Variants in FAT4 observed in about 807,000 individuals in gnomAD.
FAT4 encodes the protein FAT atypical cadherin 4, also known as protocadherin Fat 4.
A neutral mutation model predicts 303.9 loss-of-function variants in FAT4; 84 were observed. The ratio of observed to expected loss-of-function variants is 0.28; its 90% CI spans 0.23 to 0.33. FAT4 has a LOEUF of 0.33. Ranked by LOEUF, FAT4 falls within the 10% of genes least tolerant of loss-of-function variation. The pLI is 1.00. For missense variants in FAT4, 6,005 were observed against 6,146.8 expected, an observed-to-expected ratio of 0.98 and a Z score of 0.77; for synonymous variants, 2,307 against 2,298.8, an observed-to-expected ratio of 1.00 and a Z score of -0.10.
rs758694824 is a variant in FAT4 at position 125,449,193 on chromosome 4, G to A, written c.8183G>A (p.Arg2728Lys). 8 of 1,613,944 alleles carry A rather than the reference G, an allele frequency of 5.0e-6. No homozygotes were observed. In the South Asian group the frequency reaches 8.8e-5, roughly 18 times the overall value. Residue 2728 changes from arginine (R) to lysine (K), a missense_variant, in exon 10 of 18, where the codon AGA becomes AAA. Coordinates refer to ENST00000394329, the MANE Select transcript of FAT4 (RefSeq NM_001291303.3). ...FSINHATGEIRSVRPLDREKV... is the reference protein window; with the variant it reads ...FSINHATGEIKSVRPLDREKV... Reference sequence around the variant, plus strand: ...ATCAATCATGCTACTGGTGAAATTAGAAGCGTTAGACCTTTGGACAGGGAA... The same window carrying A: ...ATCAATCATGCTACTGGTGAAATTAAAAGCGTTAGACCTTTGGACAGGGAA...
intron 16 of FAT4, among the ~76,000 whole-genome samples, chr4:125,485,220 A>T (rs1324181450): frequency 6.6e-6 from 1 of 152,082 alleles, no homozygotes; most frequent in African/African-American, 2.4e-5. Context: ...TAAATTTATC[A>T]AAAATATTTT....
chr4:125,445,865 C>G (rs1462553405), intron 8 of FAT4, among the ~76,000 whole-genome samples: 1 of 152,148 alleles, frequency 6.6e-6, no homozygotes, highest in Non-Finnish European at 1.5e-5. Context: ...CAATTTTCAA[C>G]TGATCTTCTC....
intron 2 of FAT4, among the ~76,000 whole-genome samples, chr4:125,321,925 A>T (rs1268404028): frequency 6.6e-6 from 1 of 152,220 alleles, no homozygotes; most frequent in Non-Finnish European, 1.5e-5. Context: ...CTCAATAAGG[A>T]AGGCTACCAG....
At chr4:125,378,610 T>G (rs1450457431) in intron 2 of FAT4, among the ~76,000 whole-genome samples, 1 of 152,146 alleles carries the variant, frequency 6.6e-6, no homozygotes, top group Non-Finnish European at 1.5e-5. Context: ...ATATTTTCTC[T>G]TAGTAAGATA....
chr4:125,376,331 T>C (rs1385510616), intron 2 of FAT4, among the ~76,000 whole-genome samples: 1 of 152,086 alleles, frequency 6.6e-6, no homozygotes, highest in Non-Finnish European at 1.5e-5. Flanking sequence ...CTGAAATAAT[T>C]AGGGGTAAAA....
chr4:125,427,610 A>G (rs1346299157), intron 7 of FAT4, among the ~76,000 whole-genome samples: 1 of 152,136 alleles, frequency 6.6e-6, no homozygotes, highest in African/African-American at 2.4e-5. Flanking sequence ...ATAATCTTCA[A>G]TGCTAATATA....
chr4:125,344,203 A>G (rs1731911594), intron 2 of FAT4, among the ~76,000 whole-genome samples: 1 of 152,196 alleles, frequency 6.6e-6, no homozygotes, highest in African/African-American at 2.4e-5. Flanking sequence ...TTATACATCT[A>G]TTCTTTTAAT....
chr4:125,427,598 A>G (rs987395516), intron 7 of FAT4, among the ~76,000 whole-genome samples: 4 of 152,126 alleles, frequency 2.6e-5, no homozygotes, highest in Non-Finnish European at 4.4e-5. Context: ...TAATCTAACC[A>G]CATAATCTTC....
chr4:125,356,850 A>G lies in FAT4; in HGVS notation c.5175+35264A>G, dbSNP rs1486020778. Among the ~76,000 whole-genome samples the G allele has an allele frequency of 2.0e-5, 3 of 151,346 alleles. No individual in the cohort carries two copies. The Admixed American group carries it at 2.0e-4, about 10-fold the overall frequency. On this transcript the variant is annotated intron_variant, in intron 2 of 17. Coordinates refer to ENST00000394329, the MANE Select transcript of FAT4 (RefSeq NM_001291303.3). ...TAATAGAAATCATAGATATCTGTATATCAATAGATACAGACTATAAGTCAA... is the reference window on the plus strand; with the variant it reads ...TAATAGAAATCATAGATATCTGTATGTCAATAGATACAGACTATAAGTCAA...
intron 7 of FAT4, 35 bp downstream of exon 7, chr4:125,416,657 AT>A (rs1445044067): frequency 6.2e-7 from 1 of 1,604,850 alleles, no homozygotes; most frequent in Admixed American, 1.7e-5. Context: ...TTTGTAGATA[AT>A]TTCTAGGCCA....
chr4:125,454,818 C>G (rs1171724528), intron 10 of FAT4, among the ~76,000 whole-genome samples: 1 of 152,112 alleles, frequency 6.6e-6, no homozygotes, highest in Non-Finnish European at 1.5e-5. Context: ...AGGCCGACAA[C>G]AGTAAGACTC....
In FAT4 at chr4:125,323,596, C is replaced by T. The variant is rs371678515; in HGVS notation, c.5175+2010C>T. Among the ~76,000 whole-genome samples the T allele has an allele frequency of 7.4e-4, 112 of 152,122 alleles. 2 individuals carry two copies. The South Asian group carries it at 0.022, about 29-fold the overall frequency. On this transcript the variant is annotated intron_variant, in intron 2 of 17. Transcript: ENST00000394329. ...CCAATTTGAGTTCTCAAGATCCAAC[C>T]ACTTTGAAAATGAAAAGCAAATGTG...
intron 11 of FAT4, among the ~76,000 whole-genome samples, chr4:125,464,967 C>T (rs1273746282): frequency 6.6e-6 from 1 of 152,112 alleles, no homozygotes; most frequent in Non-Finnish European, 1.5e-5. Flanking sequence ...TTCCTAATAA[C>T]CTGTATAATT....
intron 10 of FAT4, among the ~76,000 whole-genome samples, chr4:125,454,787 C>T (rs7698487): frequency 0.49 from 74,421 of 151,988 alleles, 18,934 homozygotes; most frequent in Non-Finnish European, 0.57. Context: ...GAGCTGAGGT[C>T]GCGCCATTGC....
At chr4:125,424,899 C>T (rs551277527) in intron 7 of FAT4, among the ~76,000 whole-genome samples, 6 of 152,134 alleles carry the variant, frequency 3.9e-5, no homozygotes, top group South Asian at 2.1e-4. Flanking sequence ...CAAAAAGGCA[C>T]GAATCAGGCA....
rs1735032782 is a variant in FAT4 at position 125,415,791 on chromosome 4, C to T, written c.6828C>T (p.Pro2276=). Residue 2276 remains proline, a synonymous_variant, in exon 6 of 18, where the codon CCC becomes CCT. Transcript: ENST00000394329. ...VNVPENLGTL[P]RTILQVVARD... ...TCCCTGAGAATTTAGGGACACTACCCAGAACAATTCTTCAGGTCAGTATAT... is the reference window on the plus strand; with the variant it reads ...TCCCTGAGAATTTAGGGACACTACCTAGAACAATTCTTCAGGTCAGTATAT... The T allele has an allele frequency of 1.9e-6, 3 of 1,609,840 alleles. No individual in the cohort carries two copies. The highest frequency in any genetic ancestry group is 1.3e-5 in the African/African-American group (1 of 74,762).
At chr4:125,335,318 A>C (rs796732548) in intron 2 of FAT4, among the ~76,000 whole-genome samples, 11 of 152,262 alleles carry the variant, frequency 7.2e-5, no homozygotes, top group African/African-American at 2.4e-4. Context: ...TTGTTGGAAA[A>C]AAAATGTTGG....
intron 2 of FAT4, among the ~76,000 whole-genome samples, chr4:125,327,601 T>C (rs1304682712): frequency 6.6e-6 from 1 of 152,204 alleles, no homozygotes; most frequent in Non-Finnish European, 1.5e-5. Context: ...ACAGGATTAT[T>C]GATGGCTAAT....
intron 10 of FAT4, among the ~76,000 whole-genome samples, chr4:125,458,041 C>T (rs1295407264): frequency 6.6e-6 from 1 of 151,992 alleles, no homozygotes; most frequent in Non-Finnish European, 1.5e-5. Flanking sequence ...TAAAATGCAG[C>T]ATTTTGATAG....
Sources: gnomAD v4.1 joint callset for allele counts (sites outside exome capture counted in the v4.1 genomes callset) on GRCh38, gnomAD v4.1.1 for gene constraint, MANE v1.5 for transcripts, NCBI Gene and HGNC (gene_info 2026-07-23, HGNC 2026-07-21) for gene names.